ADAMTS3: variants seen among roughly 807,000 people sequenced by gnomAD.
ADAMTS3 encodes ADAM metallopeptidase with thrombospondin type 1 motif 3, also known as A disintegrin and metalloproteinase with thrombospondin motifs 3.
Under a neutral mutation model 129.0 loss-of-function variants are expected in ADAMTS3, and 73 were observed. That is an observed-to-expected ratio of 0.57 (90% CI 0.47 to 0.69). The LOEUF (loss-of-function observed/expected upper bound fraction) is 0.69, where lower values mean the gene tolerates loss of function less well. Ranked by LOEUF, ADAMTS3 falls within the 30% of genes least tolerant of loss-of-function variation. The probability of loss-of-function intolerance (pLI) is 0.00; values close to 1 mark genes in which losing one functional copy is unlikely to be tolerated. For synonymous variants in ADAMTS3, 477 were observed against 510.8 expected (o/e 0.93, Z 0.89); for missense variants, 1,457 against 1,514.5 (o/e 0.96, Z 0.63).
At chr4:72,383,622 G>A (rs1721357859) in intron 4 of ADAMTS3, among the ~76,000 whole-genome samples, 1 of 152,138 alleles carries the variant, frequency 6.6e-6, no homozygotes, top group Non-Finnish European at 1.5e-5. Context: ...CCCAGCTAAG[G>A]CTAAAAGGAA....
chr4:72,561,124 G>A (rs1233865545), intron 2 of ADAMTS3, among the ~76,000 whole-genome samples: 2 of 152,016 alleles, frequency 1.3e-5, no homozygotes, highest in African/African-American at 2.4e-5. Flanking sequence ...AAGCTGAGGC[G>A]GGTGGATCAC....
chr4:72,545,078 CTCT>C (rs963224186), intron 3 of ADAMTS3, among the ~76,000 whole-genome samples: 12 of 151,896 alleles, frequency 7.9e-5, no homozygotes, highest in Admixed American at 2.0e-4. Context: ...AATTTGAAAA[CTCT>C]TTTTTTTGTT....
chr4:72,369,338 A>C (rs957241792), intron 4 of ADAMTS3, among the ~76,000 whole-genome samples: 3 of 152,134 alleles, frequency 2.0e-5, no homozygotes, highest in Non-Finnish European at 2.9e-5. Context: ...CTGCTTTGTC[A>C]AAACTTTATA....
chr4:72,529,742 T>C (rs1391422734), intron 3 of ADAMTS3, among the ~76,000 whole-genome samples: 1 of 113,062 alleles, frequency 8.8e-6, no homozygotes, highest in Non-Finnish European at 1.7e-5. Context: ...TATATTTATT[T>C]AATATATTGT....
Position 72,455,868 on chromosome 4 carries a change from C to T in ADAMTS3, c.505-40897G>A, listed in dbSNP as rs369267785. On this transcript the variant is annotated intron_variant, in intron 3 of 21. Coordinates refer to ENST00000286657, the MANE Select transcript of ADAMTS3 (RefSeq NM_014243.3). ...CTATATATTTTATATATAGTATATA[C>T]ACTGTATATACTATATATATTTTAT... Among the ~76,000 whole-genome samples the T allele has an allele frequency of 1.8e-4, 19 of 103,332 alleles. 1 individual carries two copies. The highest frequency in any genetic ancestry group is 3.5e-4 in the Admixed American group (3 of 8,558). The allele number at this position is 103,332 out of a possible 152,430, so 67.8% of individuals were successfully genotyped here. A position where few individuals can be genotyped will look rare whatever the true frequency, so the allele number is the denominator to read the frequency against.
intron 21 of ADAMTS3, among the ~76,000 whole-genome samples, chr4:72,285,414 T>C (rs1461797171): frequency 6.6e-6 from 1 of 152,052 alleles, no homozygotes; most frequent in Non-Finnish European, 1.5e-5. Context: ...ATAAGAAAAA[T>C]GTCTTCTTTC....
intron 3 of ADAMTS3, among the ~76,000 whole-genome samples, chr4:72,466,066 A>G (rs1718909630): frequency 6.6e-6 from 1 of 152,102 alleles, no homozygotes; most frequent in Admixed American, 6.6e-5. Flanking sequence ...TACACAAGTG[A>G]TAATGTCCTA....
Position 72,565,156 on chromosome 4 carries a change from C to T in ADAMTS3, c.97+2218G>A, listed in dbSNP as rs184667055. On this transcript the variant is annotated intron_variant, in intron 2 of 21. Transcript: ENST00000286657. Reference sequence around the variant, plus strand: ...TTTTTAAAATTTAGTTTCTTAACAACTTGTGGTTTATTACTCATTTATATT... The same window carrying T: ...TTTTTAAAATTTAGTTTCTTAACAATTTGTGGTTTATTACTCATTTATATT... 1.3e-4 allele frequency among the ~76,000 whole-genome samples: 20 copies of T among 152,298 alleles called. No homozygotes were observed. In the East Asian group the frequency reaches 3.1e-3, roughly 24 times the overall value.
intron 21 of ADAMTS3, among the ~76,000 whole-genome samples, chr4:72,287,665 G>A (rs1718543267): frequency 6.6e-6 from 1 of 152,034 alleles, no homozygotes; most frequent in African/African-American, 2.4e-5. Context: ...CATAGAAAAT[G>A]AGCCACATAC....
chr4:72,448,554 G>T (rs1905022), intron 3 of ADAMTS3, among the ~76,000 whole-genome samples: 107,946 of 151,552 alleles, frequency 0.71, 38,641 homozygotes, highest in South Asian at 0.8. Flanking sequence ...GAAACTTGAT[G>T]TAAGTTTCCA....
chr4:72,352,786 A>G (rs1235490271), intron 4 of ADAMTS3, among the ~76,000 whole-genome samples: 1 of 152,000 alleles, frequency 6.6e-6, no homozygotes, highest in African/African-American at 2.4e-5. Flanking sequence ...GGGCCCTTCC[A>G]GACAATGGGC....
chr4:72,357,810 C>A (rs936319058), intron 4 of ADAMTS3, among the ~76,000 whole-genome samples: 1 of 151,714 alleles, frequency 6.6e-6, no homozygotes, highest in African/African-American at 2.4e-5. Context: ...TACTATCGAT[C>A]AAGAAAAAGT....
intron 4 of ADAMTS3, among the ~76,000 whole-genome samples, chr4:72,345,941 G>A (rs1720269938): frequency 6.6e-6 from 1 of 152,086 alleles, no homozygotes; most frequent in African/African-American, 2.4e-5. Context: ...AGAAAACTTA[G>A]TGTCTTCAGC....
At chr4:72,529,553 T>C (rs1293437185) in intron 3 of ADAMTS3, among the ~76,000 whole-genome samples, 1 of 148,268 alleles carries the variant, frequency 6.7e-6, no homozygotes, top group Non-Finnish European at 1.5e-5. Flanking sequence ...TCTCTGTATC[T>C]GGAGATGGGA....
intron 4 of ADAMTS3, among the ~76,000 whole-genome samples, chr4:72,361,896 T>C (rs1720737576): frequency 6.6e-6 from 1 of 152,120 alleles, no homozygotes; most frequent in Non-Finnish European, 1.5e-5. Flanking sequence ...ACAACACTAA[T>C]TTTAAAATTT....
At chr4:72,322,878 T>C (rs1719594155) in intron 6 of ADAMTS3, 136 bp downstream of exon 6, 1 of 612,416 alleles carries the variant, frequency 1.6e-6, no homozygotes, top group Non-Finnish European at 2.8e-6. Flanking sequence ...GGCAGTTTCT[T>C]CTCCTCAATT....
At chr4:72,328,899 G>A (rs1009077582) in intron 5 of ADAMTS3, among the ~76,000 whole-genome samples, 3 of 152,050 alleles carry the variant, frequency 2.0e-5, no homozygotes, top group African/African-American at 7.2e-5. Context: ...TATCTCTTAC[G>A]TAGGTAAAAG....
intron 3 of ADAMTS3, among the ~76,000 whole-genome samples, chr4:72,432,443 C>T (rs547631956): frequency 3.4e-4 from 51 of 152,006 alleles, no homozygotes; most frequent in African/African-American, 1.1e-3. Flanking sequence ...AATAACAGCA[C>T]CCAGCTTTTC....
intron 3 of ADAMTS3, among the ~76,000 whole-genome samples, chr4:72,429,731 G>A (rs1578672384): frequency 6.6e-6 from 1 of 152,074 alleles, no homozygotes; most frequent in South Asian, 2.1e-4. Flanking sequence ...AGTAGTGACA[G>A]GTATAATTTA....
Sources: gnomAD v4.1 joint callset for allele counts (sites outside exome capture counted in the v4.1 genomes callset) on GRCh38, gnomAD v4.1.1 for gene constraint, MANE v1.5 for transcripts, NCBI Gene and HGNC (gene_info 2026-07-23, HGNC 2026-07-21) for gene names.